ARHGAP10: variants seen among roughly 807,000 people sequenced by gnomAD.
ARHGAP10 encodes Rho GTPase activating protein 10.
Under a neutral mutation model 108.6 loss-of-function variants are expected in ARHGAP10, and 87 were observed. That is an observed-to-expected ratio of 0.80 (90% CI 0.67 to 0.96). The LOEUF is 0.96. Among genes scored for constraint, ARHGAP10 ranks in the 40% least tolerant of loss-of-function variants. ARHGAP10 has a pLI of 0.00. For synonymous variants in ARHGAP10, 347 were observed against 341.1 expected, an observed-to-expected ratio of 1.02 and a Z score of -0.19; for missense variants, 939 against 954.5, an observed-to-expected ratio of 0.98 and a Z score of 0.21.
At chr4:147,798,767 CTCTCTCTCTCTCTCTATATATATATATA>C (rs1419128405) in intron 1 of ARHGAP10, among the ~76,000 whole-genome samples, 61 of 6,602 alleles carry the variant, frequency 9.2e-3, no homozygotes, top group Non-Finnish European at 0.057. Context: ...CTCTCTCTCT[CTCTCTCTCTCTCTCTATATATATATATA>C]TATATATATA....
At chr4:147,930,394 A>G (rs349025) in intron 13 of ARHGAP10, among the ~76,000 whole-genome samples, 142,302 of 152,274 alleles carry the variant, frequency 0.93, 66,514 homozygotes, top group East Asian at 0.97. Context: ...TTTGTTAAAT[A>G]TATACCATAG....
chr4:148,017,315 A>G (rs997732537), intron 18 of ARHGAP10, among the ~76,000 whole-genome samples: 1 of 152,146 alleles, frequency 6.6e-6, no homozygotes, highest in African/African-American at 2.4e-5. Flanking sequence ...TATTTTTTTA[A>G]TAGAAGATTC....
intron 1 of ARHGAP10, among the ~76,000 whole-genome samples, chr4:147,786,372 T>A (rs1730890728): frequency 6.6e-6 from 1 of 152,158 alleles, no homozygotes. Context: ...CCGGTGAGAC[T>A]GGGAAGTCTA....
chr4:147,843,678 C>T (rs567577102), intron 3 of ARHGAP10, among the ~76,000 whole-genome samples: 4 of 152,116 alleles, frequency 2.6e-5, no homozygotes, highest in African/African-American at 9.7e-5. Flanking sequence ...AGGCACTGCC[C>T]GGCTAATTTT....
chr4:147,950,032 C>T (rs1329616624), intron 15 of ARHGAP10, among the ~76,000 whole-genome samples: 4 of 152,090 alleles, frequency 2.6e-5, no homozygotes, highest in Non-Finnish European at 5.9e-5. Flanking sequence ...CTTGCTTCAT[C>T]CTATGGAATT....
intron 15 of ARHGAP10, among the ~76,000 whole-genome samples, chr4:147,949,895 G>T (rs1342282423): frequency 6.6e-6 from 1 of 152,006 alleles, no homozygotes; most frequent in Non-Finnish European, 1.5e-5. Context: ...GGAGGAATTT[G>T]TTTAATAAAC....
At chr4:148,034,861 G>A (rs1242957864) in intron 19 of ARHGAP10, among the ~76,000 whole-genome samples, 1 of 152,104 alleles carries the variant, frequency 6.6e-6, no homozygotes, top group Non-Finnish European at 1.5e-5. Flanking sequence ...ATAACACATG[G>A]CTGTTATATT....
intron 10 of ARHGAP10, among the ~76,000 whole-genome samples, chr4:147,888,565 G>C (rs1208101289): frequency 6.6e-6 from 1 of 152,006 alleles, no homozygotes; most frequent in Non-Finnish European, 1.5e-5. Flanking sequence ...ATTTTCTAAA[G>C]CTCCTTGGTT....
intron 5 of ARHGAP10, chr4:147,862,851 C>A (rs1734385803): frequency 6.6e-6 from 1 of 152,140 alleles, no homozygotes; most frequent in African/African-American, 2.4e-5. Context: ...AAATAGTCAA[C>A]AAAATTACAG....
chr4:147,886,751 T>C (rs1735582711), intron 10 of ARHGAP10, among the ~76,000 whole-genome samples: 1 of 152,154 alleles, frequency 6.6e-6, no homozygotes, highest in Non-Finnish European at 1.5e-5. Flanking sequence ...TGGTAGCCAC[T>C]GATCATACTG....
chr4:147,753,085 A>G (rs192916046), intron 1 of ARHGAP10, among the ~76,000 whole-genome samples: 24 of 152,322 alleles, frequency 1.6e-4, no homozygotes, highest in African/African-American at 4.3e-4. Flanking sequence ...ATCAGTGAAG[A>G]CACTGTAGTC....
At chr4:148,016,975 A>G (rs1304722547) in intron 18 of ARHGAP10, among the ~76,000 whole-genome samples, 2 of 147,030 alleles carry the variant, frequency 1.4e-5, no homozygotes, top group Non-Finnish European at 3.0e-5. Context: ...GTGAAACCTC[A>G]TCTCTATTAA....
intron 10 of ARHGAP10, among the ~76,000 whole-genome samples, chr4:147,886,709 A>C (rs1323077984): frequency 6.6e-6 from 1 of 152,164 alleles, no homozygotes; most frequent in Non-Finnish European, 1.5e-5. Flanking sequence ...CTTCAAATAC[A>C]TGACCACTGT....
chr4:147,819,446 T>C (rs919674281), intron 1 of ARHGAP10, among the ~76,000 whole-genome samples: 1 of 152,094 alleles, frequency 6.6e-6, no homozygotes, highest in Non-Finnish European at 1.5e-5. Flanking sequence ...CTACTAAAAA[T>C]TATAAGCCCA....
intron 18 of ARHGAP10, among the ~76,000 whole-genome samples, chr4:148,018,224 G>A (rs1287178089): frequency 6.6e-6 from 1 of 152,152 alleles, no homozygotes; most frequent in Admixed American, 6.5e-5. Context: ...CTTAAGATGA[G>A]TTCATCTCTC....
chr4:147,919,964 A>C (rs1030013449), intron 13 of ARHGAP10, among the ~76,000 whole-genome samples: 1 of 152,120 alleles, frequency 6.6e-6, no homozygotes, highest in Non-Finnish European at 1.5e-5. Flanking sequence ...GGATTCTTTA[A>C]ATTTCCGCAG....
rs777060065 is a variant in ARHGAP10, at chr4:147,965,007, T to A, written c.1451-17T>A. The A allele has an allele frequency of 4.0e-6, 6 of 1,487,526 alleles. No individual in the cohort carries two copies. Among genetic ancestry groups the A allele is most frequent in the Non-Finnish European group, 5.4e-6 (6 of 1,106,988 alleles). 92.1% of individuals were successfully genotyped at this position (1,487,526 alleles called of 1,614,324 possible). ...TTTTCTTTATTTTTTTCTTTATTATTATTTTTTTTTTGGAAGAAAGCGGCA... is the reference window on the plus strand; with the variant it reads ...TTTTCTTTATTTTTTTCTTTATTATAATTTTTTTTTTGGAAGAAAGCGGCA... On this transcript the variant is annotated splice_polypyrimidine_tract_variant and intron_variant, in intron 16 of 22. Transcript: ENST00000336498.
At chr4:148,057,669 A>G (rs1049603533) in intron 20 of ARHGAP10, among the ~76,000 whole-genome samples, 24 of 152,336 alleles carry the variant, frequency 1.6e-4, no homozygotes, top group Non-Finnish European at 2.8e-4. Context: ...TGCCTCCTCC[A>G]GGAAGCCCTC....
intron 3 of ARHGAP10, among the ~76,000 whole-genome samples, chr4:147,825,027 C>G (rs945659423): frequency 6.6e-6 from 1 of 152,172 alleles, no homozygotes; most frequent in Non-Finnish European, 1.5e-5. Flanking sequence ...TGTTAAGAAG[C>G]AGGCACTCTG....
Sources: allele counts gnomAD v4.1 joint callset (sites outside exome capture counted in the v4.1 genomes callset), GRCh38; gene constraint gnomAD v4.1.1; transcripts MANE v1.5; gene names NCBI Gene and HGNC (gene_info 2026-07-23, HGNC 2026-07-21).